The following TNR variants were observed in gnomAD, a reference collection of about 807,000 sequenced individuals.
TNR encodes tenascin R, also known as tenascin-R.
In TNR, 45 loss-of-function variants were observed where a neutral mutation model predicts 150.4. That is an observed-to-expected ratio of 0.30 (90% CI 0.24 to 0.38). TNR has a LOEUF of 0.38. Among genes scored for constraint, TNR ranks in the 10% least tolerant of loss-of-function variants. TNR has a pLI of 1.00. For synonymous variants in TNR, 687 were observed against 678.4 expected, an observed-to-expected ratio of 1.01 and a Z score of -0.20; for missense variants, 1,544 against 1,759.1, an observed-to-expected ratio of 0.88 and a Z score of 2.19.
At chr1:175,347,938 G>A (rs1476618254) in intron 18 of TNR, among the ~76,000 whole-genome samples, 1 of 151,872 alleles carries the variant, frequency 6.6e-6, no homozygotes, top group Non-Finnish European at 1.5e-5. Context: ...TAAATAAGAG[G>A]TATAAGAATT....
chr1:175,398,674 T>C (rs551203560), intron 4 of TNR, among the ~76,000 whole-genome samples: 2 of 152,350 alleles, frequency 1.3e-5, no homozygotes, highest in African/African-American at 2.4e-5. Flanking sequence ...TCATTATTAC[T>C]ACCATTTTAT....
At chr1:175,467,054 T>G (rs1657066427) in intron 2 of TNR, among the ~76,000 whole-genome samples, 1 of 152,140 alleles carries the variant, frequency 6.6e-6, no homozygotes, top group Non-Finnish European at 1.5e-5. Context: ...GCCTGGCATA[T>G]TAGATTCGAC....
intron 1 of TNR, among the ~76,000 whole-genome samples, chr1:175,584,095 G>A (rs540523974): frequency 6.6e-6 from 1 of 152,288 alleles, no homozygotes; most frequent in South Asian, 2.1e-4. Context: ...CCTCTAAAAA[G>A]ATATGTTGAA....
At chr1:175,344,355 T>C (rs1650672166) in intron 18 of TNR, among the ~76,000 whole-genome samples, 1 of 152,186 alleles carries the variant, frequency 6.6e-6, no homozygotes, top group Non-Finnish European at 1.5e-5. Flanking sequence ...TTGGTTTAAC[T>C]TTAGGAAGTT....
chr1:175,588,869 T>C (rs1335193047), intron 1 of TNR, among the ~76,000 whole-genome samples: 1 of 152,168 alleles, frequency 6.6e-6, no homozygotes, highest in African/African-American at 2.4e-5. Context: ...GCCTCTCCCA[T>C]GAGCCCACAG....
At chr1:175,623,078 G>A (rs898156478) in intron 1 of TNR, among the ~76,000 whole-genome samples, 1 of 152,114 alleles carries the variant, frequency 6.6e-6, no homozygotes, top group African/African-American at 2.4e-5. Context: ...ACATTTTTTG[G>A]AAGACAAATT....
At chr1:175,640,393 G>A (rs998699872) in intron 1 of TNR, among the ~76,000 whole-genome samples, 2 of 152,172 alleles carry the variant, frequency 1.3e-5, no homozygotes, top group Admixed American at 1.3e-4. Context: ...AGAATTTAAA[G>A]GTGTCTTGGT....
intron 6 of TNR, among the ~76,000 whole-genome samples, chr1:175,392,179 ATCTT>A (rs3835503): frequency 0.37 from 55,800 of 151,682 alleles, 10,528 homozygotes; most frequent in East Asian, 0.52. Flanking sequence ...TTTATTATCT[ATCTT>A]TCTATCTTAT....
chr1:175,561,514 A>G (rs1000229407), intron 1 of TNR, among the ~76,000 whole-genome samples: 18 of 152,344 alleles, frequency 1.2e-4, no homozygotes, highest in Admixed American at 4.6e-4. Context: ...GAATTAATGG[A>G]TGCAAGAGGC....
intron 1 of TNR, among the ~76,000 whole-genome samples, chr1:175,532,798 T>A (rs1041987854): frequency 6.6e-6 from 1 of 152,168 alleles, no homozygotes; most frequent in Non-Finnish European, 1.5e-5. Flanking sequence ...GCAGGAGGCC[T>A]CAGCTTCTCC....
At chr1:175,375,839 T>G (rs1451490488) in intron 9 of TNR, among the ~76,000 whole-genome samples, 1 of 152,238 alleles carries the variant, frequency 6.6e-6, no homozygotes, top group African/African-American at 2.4e-5. Context: ...GAGTGCTTAC[T>G]GTGTGCCAGG....
chr1:175,562,367 G>A (rs1277402804), intron 1 of TNR, among the ~76,000 whole-genome samples: 1 of 152,166 alleles, frequency 6.6e-6, no homozygotes, highest in East Asian at 1.9e-4. Context: ...GCCTCACATG[G>A]CCAGTGATTC....
intron 1 of TNR, among the ~76,000 whole-genome samples, chr1:175,638,687 C>T (rs980423100): frequency 6.6e-6 from 1 of 152,128 alleles, no homozygotes; most frequent in African/African-American, 2.4e-5. Flanking sequence ...AAATCATCTT[C>T]CACAGGATCC....
intron 1 of TNR, among the ~76,000 whole-genome samples, chr1:175,554,750 G>C (rs1321369114): frequency 6.6e-6 from 1 of 152,176 alleles, no homozygotes; most frequent in Non-Finnish European, 1.5e-5. Flanking sequence ...GAGCTGCTAA[G>C]TAGAATGCTT....
At chr1:175,581,202 G>A (rs555866974) in intron 1 of TNR, among the ~76,000 whole-genome samples, 2 of 152,132 alleles carry the variant, frequency 1.3e-5, no homozygotes, top group African/African-American at 2.4e-5. Context: ...AATGGGAACC[G>A]CTCATCCTTG....
chr1:175,331,099 T>TTCTTTCTTTCTTTCTTTCTTTCTTTC (rs1557868221), intron 20 of TNR, among the ~76,000 whole-genome samples: 1 of 106,430 alleles, frequency 9.4e-6, no homozygotes, highest in African/African-American at 3.9e-5. Flanking sequence ...CTTTCTTTCT[T>TTCTTTCTTTCTTTCTTTCTTTCTTTC]TCTCTCTCTC....
At chr1:175,576,741 T>G (rs573291470) in intron 1 of TNR, among the ~76,000 whole-genome samples, 2 of 152,350 alleles carry the variant, frequency 1.3e-5, no homozygotes, top group Non-Finnish European at 2.9e-5. Context: ...TTTGAGACTC[T>G]GCATAATCCT....
At chr1:175,721,097 G>C (rs1236325058) in intron 1 of TNR, among the ~76,000 whole-genome samples, 1 of 152,238 alleles carries the variant, frequency 6.6e-6, no homozygotes, top group East Asian at 1.9e-4. Context: ...TTCTTCAGAT[G>C]AGCACAAGAC....
intron 1 of TNR, among the ~76,000 whole-genome samples, chr1:175,670,905 T>C (rs1372716480): frequency 6.6e-6 from 1 of 152,084 alleles, no homozygotes; most frequent in Admixed American, 6.5e-5. Flanking sequence ...AAGTACAAAA[T>C]CAGGCTTAAA....
Sources: allele counts gnomAD v4.1 joint callset (sites outside exome capture counted in the v4.1 genomes callset), GRCh38; gene constraint gnomAD v4.1.1; transcripts MANE v1.5; gene names NCBI Gene and HGNC (gene_info 2026-07-23, HGNC 2026-07-21).